The following NAV3 variants were observed in gnomAD, a reference collection of about 807,000 sequenced individuals.
NAV3 encodes neuron navigator 3.
In NAV3, 87 loss-of-function variants were observed where a neutral mutation model predicts 244.7. That is an observed-to-expected ratio of 0.36 (90% CI 0.30 to 0.42). NAV3 has a LOEUF of 0.42. NAV3 is among the 20% of genes least tolerant of loss of function. The pLI, the probability that NAV3 is intolerant of heterozygous loss-of-function variation, is 1.00. For missense variants in NAV3, 2,663 were observed against 2,893.3 expected (o/e 0.92, Z 1.83); for synonymous variants, 1,126 against 1,042.2 (o/e 1.08, Z -1.55).
intron 12 of NAV3, among the ~76,000 whole-genome samples, chr12:78,086,623 G>C (rs1409365515): frequency 1.3e-5 from 2 of 151,844 alleles, no homozygotes; most frequent in Admixed American, 6.6e-5. Flanking sequence ...GAAGTCTTAT[G>C]GTAATAAACA....
chr12:77,926,166 C>G (rs904092528), intron 1 of NAV3, among the ~76,000 whole-genome samples: 4 of 152,110 alleles, frequency 2.6e-5, no homozygotes, highest in African/African-American at 9.7e-5. Flanking sequence ...CTCTCAGCTT[C>G]CAAGTTCTAT....
At chr12:78,176,991 T>C (rs1203989158) in intron 26 of NAV3, 150 bp from the exon 27 acceptor site, 2 of 697,326 alleles carry the variant, frequency 2.9e-6, no homozygotes, top group African/African-American at 3.6e-5. Flanking sequence ...TCATTTTTTT[T>C]TTAGAGATAC....
chr12:77,595,417 G>C (rs1870122209), intron 2 of NAV3, among the ~76,000 whole-genome samples: 1 of 152,076 alleles, frequency 6.6e-6, no homozygotes, highest in Non-Finnish European at 1.5e-5. Context: ...GTTGATAAGA[G>C]GGTAGAGAGT....
chr12:77,644,461 C>G (rs1488757423), intron 2 of NAV3, among the ~76,000 whole-genome samples: 2 of 151,958 alleles, frequency 1.3e-5, no homozygotes, highest in Admixed American at 6.6e-5. Flanking sequence ...ACAGAATTAT[C>G]AGGGGCTTAA....
intron 20 of NAV3, among the ~76,000 whole-genome samples, chr12:78,145,306 A>G (rs759678609): frequency 1.1e-4 from 16 of 152,214 alleles, no homozygotes; most frequent in Non-Finnish European, 2.4e-4. Context: ...TATAGGGAAG[A>G]CAAAGCTCAG....
At chr12:78,075,332 A>G (rs146573476) in intron 12 of NAV3, among the ~76,000 whole-genome samples, 59 of 152,272 alleles carry the variant, frequency 3.9e-4, no homozygotes, top group African/African-American at 1.3e-3. Flanking sequence ...CCTCATTTTT[A>G]TATTTATAAA....
rs12372187 is a variant in NAV3, at chr12:78,112,075, G to A, written c.2637-4697G>A. On this transcript the variant is annotated intron_variant, in intron 12 of 39. Coordinates refer to ENST00000397909, the MANE Select transcript of NAV3 (RefSeq NM_001024383.2). ...ACCAGCCTTTTTGCAGGCTATTAGC[G>A]AATCATAGCACTAGGGCTTCACTGC... Among the ~76,000 whole-genome samples, 481 of 152,212 alleles carry A rather than the reference G, an allele frequency of 3.2e-3. 3 individuals carry two copies. Among genetic ancestry groups the A allele is most frequent in the Admixed American group, 9.3e-3 (142 of 15,276 alleles).
chr12:77,812,218 C>G (rs1872319036), intron 2 of NAV3, among the ~76,000 whole-genome samples: 2 of 151,976 alleles, frequency 1.3e-5, no homozygotes, highest in Admixed American at 1.3e-4. Flanking sequence ...GACCTTATGC[C>G]CTCCTTGGAC....
intron 1 of NAV3, among the ~76,000 whole-genome samples, chr12:77,877,241 C>T (rs1881970603): frequency 6.6e-6 from 1 of 152,086 alleles, no homozygotes; most frequent in Non-Finnish European, 1.5e-5. Flanking sequence ...CTGATTCCAT[C>T]TCTACATTGG....
chr12:77,739,436 A>T (rs529278948), intron 2 of NAV3, among the ~76,000 whole-genome samples: 2 of 152,262 alleles, frequency 1.3e-5, no homozygotes, highest in African/African-American at 4.8e-5. Flanking sequence ...TGAAGAGAAT[A>T]AGATTTATAC....
At chr12:77,572,606 G>A (rs1314942333) in intron 2 of NAV3, among the ~76,000 whole-genome samples, 2 of 152,152 alleles carry the variant, frequency 1.3e-5, no homozygotes, top group Admixed American at 1.3e-4. Flanking sequence ...GAGTAATGGA[G>A]CAGGCTAGAG....
At chr12:77,676,219 T>C (rs1874198324) in intron 2 of NAV3, among the ~76,000 whole-genome samples, 1 of 151,944 alleles carries the variant, frequency 6.6e-6, no homozygotes, top group Non-Finnish European at 1.5e-5. Context: ...ATGCTTTGGG[T>C]ATTTGTCCTA....
intron 2 of NAV3, among the ~76,000 whole-genome samples, chr12:77,714,863 T>C (rs1876290167): frequency 6.6e-6 from 1 of 152,142 alleles, no homozygotes; most frequent in Admixed American, 6.6e-5. Flanking sequence ...ATTAAAAGTC[T>C]TACTTGGCAT....
At chr12:77,871,216 A>T (rs1376833774) in intron 1 of NAV3, among the ~76,000 whole-genome samples, 1 of 152,220 alleles carries the variant, frequency 6.6e-6, no homozygotes. Flanking sequence ...CATGTGAGAA[A>T]TAACTTCTCT....
At chr12:77,651,386 T>G (rs1872815199) in intron 2 of NAV3, among the ~76,000 whole-genome samples, 1 of 152,220 alleles carries the variant, frequency 6.6e-6, no homozygotes, top group Non-Finnish European at 1.5e-5. Flanking sequence ...TTGTTGTTGA[T>G]TTAGCTTGTT....
At chr12:77,834,018 T>C (rs1874190286) in intron 1 of NAV3, among the ~76,000 whole-genome samples, 1 of 152,120 alleles carries the variant, frequency 6.6e-6, no homozygotes. Context: ...TGTGTGTTCT[T>C]CCGCCAGTGT....
chr12:77,646,515 C>G (rs113420749), intron 2 of NAV3, among the ~76,000 whole-genome samples: 89 of 152,218 alleles, frequency 5.8e-4, no homozygotes, highest in African/African-American at 2.1e-3. Context: ...TAGGCAGAGA[C>G]AGACACCTCT....
At position 78,177,625 on chromosome 12, in the gene NAV3, C is replaced by T; in HGVS notation, c.5303C>T (p.Pro1768Leu). Reference sequence around the variant, plus strand: ...CTAACTGTATGTACATACAGGTCACCCCTTGTCTGGCCACCAAAGAAACGA... The same window carrying T: ...CTAACTGTATGTACATACAGGTCACTCCTTGTCTGGCCACCAAAGAAACGA... ...MKPSQSASASPLVWPPKKRQN... is the reference protein window; with the variant it reads ...MKPSQSASASLLVWPPKKRQN... The change falls in exon 28 of 40, where the codon CCC becomes CTC. Residue 1768 changes from proline to leucine, a missense_variant. Around this residue, in one of 6 missense-constraint regions of NAV3, gnomAD observed 193 missense variants for 200.7 expected, o/e 0.96. Coordinates refer to ENST00000397909, the MANE Select transcript of NAV3 (RefSeq NM_001024383.2). 1 of 1,597,080 alleles carries T rather than the reference C, an allele frequency of 6.3e-7. No individual in the cohort carries two copies. The highest frequency in any genetic ancestry group is 8.5e-7 in the Non-Finnish European group (1 of 1,179,122).
At chr12:78,057,278 C>T (rs1288281549) in intron 11 of NAV3, among the ~76,000 whole-genome samples, 1 of 152,164 alleles carries the variant, frequency 6.6e-6, no homozygotes, top group East Asian at 1.9e-4. Context: ...CTTTAAGTCA[C>T]GTGACCAAAC....
Sources: gnomAD v4.1 joint callset for allele counts (sites outside exome capture counted in the v4.1 genomes callset) on GRCh38, gnomAD v4.1.1 for gene constraint, gnomAD v4.1.1 regional missense constraint, MANE v1.5 for transcripts, NCBI Gene and HGNC (gene_info 2026-07-23, HGNC 2026-07-21) for gene names.